Variants in GALNT18 observed in about 807,000 individuals in gnomAD.
GALNT18 encodes the protein polypeptide N-acetylgalactosaminyltransferase 18.
GALNT18 carries 44 observed loss-of-function variants against 69.5 expected under a neutral mutation model. The observed-to-expected ratio is 0.63, with a 90% CI of 0.50 to 0.81. The LOEUF (loss-of-function observed/expected upper bound fraction) is 0.81, where lower values mean the gene tolerates loss of function less well. Among genes scored for constraint, GALNT18 ranks in the 40% least tolerant of loss-of-function variants. GALNT18 has a pLI of 0.00. For synonymous variants in GALNT18, 364 were observed against 318.2 expected (o/e 1.14, Z -1.53); for missense variants, 715 against 810.0 (o/e 0.88, Z 1.42).
At chr11:11,344,755 C>T (rs1850272867) in intron 6 of GALNT18, among the ~76,000 whole-genome samples, 1 of 152,142 alleles carries the variant, frequency 6.6e-6, no homozygotes, top group Non-Finnish European at 1.5e-5. Flanking sequence ...TCAGTGTGAG[C>T]ACTATGTGGA....
In GALNT18 at chr11:11,315,783, G is replaced by T. The variant is rs1849741147; in HGVS notation, c.1512+11303C>A. On this transcript the variant is annotated intron_variant, in intron 9 of 10. Coordinates refer to ENST00000227756, the MANE Select transcript of GALNT18 (RefSeq NM_198516.3). This position sits in a 1 kb window ranked among gnomAD's most constrained non-coding sequence, Gnocchi z 5.6. The stretch of plus-strand genomic sequence containing the variant: ...CATACATGTGGTACGGGCAGAACTG[G>T]GCCTGGACCCCCAGCCCTTATCTGA... Among the ~76,000 whole-genome samples the T allele has an allele frequency of 6.6e-6, 1 of 151,714 alleles. No homozygotes were observed.
intron 5 of GALNT18, among the ~76,000 whole-genome samples, chr11:11,374,927 TAGA>T (rs1236758320): frequency 6.6e-6 from 1 of 152,246 alleles, no homozygotes; most frequent in African/African-American, 2.4e-5. Context: ...CACATGGTCT[TAGA>T]AACAAAATGT....
At position 11,583,970 on chromosome 11, in the gene GALNT18, T is replaced by C. The variant is rs1859154649; in HGVS notation, c.235+37389A>G. Among the ~76,000 whole-genome samples the C allele has an allele frequency of 6.6e-6, 1 of 151,926 alleles. No individual in the cohort carries two copies. The highest frequency in any genetic ancestry group is 1.5e-5 in the Non-Finnish European group (1 of 67,970). ...GATGAAAGCACAAGGTCACACTCAATGAAATAGAGATGAACTGAATTCTTG... is the reference window on the plus strand; with the variant it reads ...GATGAAAGCACAAGGTCACACTCAACGAAATAGAGATGAACTGAATTCTTG... On this transcript the variant is annotated intron_variant, in intron 1 of 10. Coordinates refer to ENST00000227756, the MANE Select transcript of GALNT18 (RefSeq NM_198516.3). This position sits in a 1 kb window ranked among gnomAD's most constrained non-coding sequence, Gnocchi z 4.7.
At position 11,542,011 on chromosome 11, in the gene GALNT18, G is replaced by A. The variant is rs914458460; in HGVS notation, c.235+79348C>T. Among the ~76,000 whole-genome samples the A allele has an allele frequency of 9.2e-5, 14 of 152,178 alleles. No homozygotes were observed. The highest frequency in any genetic ancestry group is 1.3e-4 in the Non-Finnish European group (9 of 68,016). On this transcript the variant is annotated intron_variant, in intron 1 of 10. Transcript: ENST00000227756. The surrounding 1 kb of genome is among the most constrained non-coding windows in gnomAD (Gnocchi z 4.3). Reference sequence around the variant, plus strand: ...CCCTTCAGAAGACCCCAGAGACCCCGCTGTAAATATGAAGGAGCCAACCAA... The same window carrying A: ...CCCTTCAGAAGACCCCAGAGACCCCACTGTAAATATGAAGGAGCCAACCAA...
intron 3 of GALNT18, among the ~76,000 whole-genome samples, chr11:11,401,456 C>G (rs1854465494): frequency 6.6e-6 from 1 of 152,146 alleles, no homozygotes; most frequent in African/African-American, 2.4e-5. Flanking sequence ...GTTCCCAGCA[C>G]TCGGTCCTAG....
intron 1 of GALNT18, among the ~76,000 whole-genome samples, chr11:11,527,114 T>C (rs1857542310): frequency 6.6e-6 from 1 of 152,140 alleles, no homozygotes; most frequent in Non-Finnish European, 1.5e-5. Context: ...TGTCTAGGTC[T>C]GTACTCCCTG....
rs977972449 is a variant in GALNT18 at position 11,465,429 on chromosome 11, C to T, written c.236-16493G>A. ...GATTACTCAAAGCTTGAGTGCTGCT[C>T]CTCCAGGCTGCACGGACGGTGTCAC... is the stretch of plus-strand genomic sequence containing the variant. On this transcript the variant is annotated intron_variant, in intron 1 of 10. Transcript: ENST00000227756. This position sits in a 1 kb window ranked among gnomAD's most constrained non-coding sequence, Gnocchi z 5.7. 1.3e-5 allele frequency among the ~76,000 whole-genome samples: 2 copies of T among 152,164 alleles called. No individual in the cohort carries two copies. The highest frequency in any genetic ancestry group is 2.9e-5 in the Non-Finnish European group (2 of 68,038).
intron 1 of GALNT18, among the ~76,000 whole-genome samples, chr11:11,531,945 A>G (rs1857659776): frequency 6.6e-6 from 1 of 152,156 alleles, no homozygotes; most frequent in African/African-American, 2.4e-5. Context: ...TGCAGGTACT[A>G]TACACCGCAG....
chr11:11,541,662 C>T lies in GALNT18; in HGVS notation c.235+79697G>A, dbSNP rs1316253323. Among the ~76,000 whole-genome samples, 1 of 152,176 alleles carries T rather than the reference C, an allele frequency of 6.6e-6. No individual in the cohort carries two copies. The highest frequency in any genetic ancestry group is 2.4e-5 in the African/African-American group (1 of 41,436). On this transcript the variant is annotated intron_variant, in intron 1 of 10. Coordinates refer to ENST00000227756, the MANE Select transcript of GALNT18 (RefSeq NM_198516.3). This position sits in a 1 kb window ranked among gnomAD's most constrained non-coding sequence, Gnocchi z 4.8. Reference sequence around the variant, plus strand: ...ATATCCAAGGCTCCCTCTCAAGGGCCTCATGCTAGTAAGGCCCCCTTCCCA... The same window carrying T: ...ATATCCAAGGCTCCCTCTCAAGGGCTTCATGCTAGTAAGGCCCCCTTCCCA...
rs61001797 is a variant in GALNT18 at position 11,497,327 on chromosome 11, AACACACAC to A, written c.236-48399_236-48392del. 0.072 allele frequency among the ~76,000 whole-genome samples: 9,479 copies of A among 132,282 alleles called. 384 individuals are homozygous for A. The highest frequency in any genetic ancestry group is 0.085 in the Non-Finnish European group (5,343 of 63,170). 86.8% of individuals were successfully genotyped at this position (132,282 alleles called of 152,430 possible). On this transcript the variant is annotated intron_variant, in intron 1 of 10. Transcript: ENST00000227756. The surrounding 1 kb of genome is among the most constrained non-coding windows in gnomAD (Gnocchi z 4.2). ...TATTTATGTTTTACCTCCTGTCTCC[AACACACAC>A]ACACACACACACACACACACACACA...
intron 1 of GALNT18, among the ~76,000 whole-genome samples, chr11:11,488,361 G>A (rs148927926): frequency 1.3e-5 from 2 of 152,104 alleles, no homozygotes; most frequent in East Asian, 3.9e-4. Flanking sequence ...GTCAGCCCAG[G>A]TGGATCGAAT....
At chr11:11,360,806 T>C (rs968975198) in intron 6 of GALNT18, among the ~76,000 whole-genome samples, 1 of 152,186 alleles carries the variant, frequency 6.6e-6, no homozygotes, top group Non-Finnish European at 1.5e-5. Context: ...TTAGCTTGAG[T>C]TGATTGTCTT....
chr11:11,475,250 G>T (rs1856363975), intron 1 of GALNT18: 1 of 152,024 alleles, frequency 6.6e-6, no homozygotes, highest in Non-Finnish European at 1.5e-5. Flanking sequence ...AACACATCTT[G>T]TTATCACATT....
intron 1 of GALNT18, among the ~76,000 whole-genome samples, chr11:11,529,160 G>C (rs1309153590): frequency 6.6e-6 from 1 of 152,244 alleles, no homozygotes; most frequent in African/African-American, 2.4e-5. Flanking sequence ...GAGGTCACCA[G>C]GTACCAGATG....
intron 10 of GALNT18, among the ~76,000 whole-genome samples, chr11:11,287,797 G>T (rs939399142): frequency 7.2e-5 from 11 of 152,214 alleles, no homozygotes; most frequent in Admixed American, 3.3e-4. Context: ...GTTTAGGGAG[G>T]GTGTGTAGCT....
intron 1 of GALNT18, among the ~76,000 whole-genome samples, chr11:11,452,125 C>T (rs539107901): frequency 9.2e-5 from 14 of 152,326 alleles, no homozygotes; most frequent in African/African-American, 3.1e-4. Flanking sequence ...GCCCTGTCTG[C>T]CCTGTACCTT....
Position 11,389,784 on chromosome 11 carries a change from C to T in GALNT18, c.596-10520G>A, listed in dbSNP as rs915858592. On this transcript the variant is annotated intron_variant, in intron 3 of 10. Transcript: ENST00000227756. The surrounding 1 kb of genome is among the most constrained non-coding windows in gnomAD (Gnocchi z 4.3). Reference sequence around the variant, plus strand: ...CAGAGCTGAGAACAAGCTGTGTGGACGTCCCACTGTGCAAAGGGAATTCCA... The same window carrying T: ...CAGAGCTGAGAACAAGCTGTGTGGATGTCCCACTGTGCAAAGGGAATTCCA... 2.0e-5 allele frequency among the ~76,000 whole-genome samples: 3 copies of T among 152,130 alleles called. No individual in the cohort carries two copies. Among genetic ancestry groups the T allele is most frequent in the South Asian group, 2.1e-4 (1 of 4,820 alleles).
chr11:11,575,709 T>C (rs1263921821), intron 1 of GALNT18, among the ~76,000 whole-genome samples: 2 of 151,846 alleles, frequency 1.3e-5, no homozygotes, highest in Non-Finnish European at 2.9e-5. Context: ...CCCAGCACAG[T>C]GTGTCTGAAA....
At chr11:11,514,636 C>A (rs1857232502) in intron 1 of GALNT18, among the ~76,000 whole-genome samples, 1 of 152,204 alleles carries the variant, frequency 6.6e-6, no homozygotes, top group South Asian at 2.1e-4. Flanking sequence ...TCAAGGAAAC[C>A]ATCAGTAGTT....
Sources: gnomAD v4.1 joint callset for allele counts (sites outside exome capture counted in the v4.1 genomes callset) on GRCh38, gnomAD v4.1.1 for gene constraint, Gnocchi (gnomAD v3.1) non-coding constraint, MANE v1.5 for transcripts, NCBI Gene and HGNC (gene_info 2026-07-23, HGNC 2026-07-21) for gene names.